TARS3: variants seen among roughly 807,000 people sequenced by gnomAD.
The protein encoded by TARS3 is threonyl-tRNA synthetase 3, also known as threonine--tRNA ligase 2, cytoplasmic.
TARS3 carries 94 observed loss-of-function variants against 103.5 expected under a neutral mutation model. That is an observed-to-expected ratio of 0.91 (90% CI 0.77 to 1.08). The LOEUF (loss-of-function observed/expected upper bound fraction) is 1.08. TARS3 is among the 50% of genes least tolerant of loss of function. TARS3 has a pLI of 0.00. For synonymous variants in TARS3, 416 were observed against 355.4 expected (o/e 1.17, Z -1.92); for missense variants, 952 against 995.2 (o/e 0.96, Z 0.58).
At chr15:101,678,659 GAAC>G (rs1465655628) in intron 12 of TARS3, among the ~76,000 whole-genome samples, 1 of 152,018 alleles carries the variant, frequency 6.6e-6, no homozygotes, top group Non-Finnish European at 1.5e-5. Flanking sequence ...CATACATTTA[GAAC>G]ATCAGAAAGA....
At chr15:101,687,123 T>C (rs955011092) in intron 10 of TARS3, among the ~76,000 whole-genome samples, 2 of 151,940 alleles carry the variant, frequency 1.3e-5, no homozygotes, top group African/African-American at 4.8e-5. Flanking sequence ...CCTTAACAGG[T>C]AGGGTGTGGT....
intron 3 of TARS3, among the ~76,000 whole-genome samples, chr15:101,718,806 A>C (rs1900300058): frequency 6.6e-6 from 1 of 152,240 alleles, no homozygotes; most frequent in Non-Finnish European, 1.5e-5. Flanking sequence ...GGAACGGATT[A>C]GCTGCAAACA....
chr15:101,654,740 A>C lies in TARS3; in HGVS notation c.2261-10T>G. 6.2e-7 allele frequency: 1 copy of C among 1,610,926 alleles called. No homozygotes were observed. Among genetic ancestry groups the C allele is most frequent in the Non-Finnish European group, 8.5e-7 (1 of 1,178,954 alleles). ...TCCTTTTCTCCAACCACTGCAGAAA[A>C]GAAAGGTAAAGAAATGTATTTTAAA... On this transcript the variant is annotated splice_polypyrimidine_tract_variant and intron_variant, in intron 18 of 18. Transcript: ENST00000335968.
intron 16 of TARS3, among the ~76,000 whole-genome samples, chr15:101,661,088 A>C (rs1345157693): frequency 6.6e-6 from 1 of 152,194 alleles, no homozygotes; most frequent in Non-Finnish European, 1.5e-5. Context: ...CCTTCCGGGC[A>C]AAAAGGACCA....
intron 12 of TARS3, among the ~76,000 whole-genome samples, chr15:101,680,609 C>A (rs190600072): frequency 6.6e-6 from 1 of 152,332 alleles, no homozygotes; most frequent in East Asian, 1.9e-4. Flanking sequence ...CCTGCTTCAT[C>A]TTCCCCAAAG....
rs568893182 is a variant in TARS3, at chr15:101,715,435, C to G, written c.567-472G>C. Among the ~76,000 whole-genome samples, 5 of 152,170 alleles carry G rather than the reference C, an allele frequency of 3.3e-5. No individual in the cohort carries two copies. In the South Asian group the frequency reaches 1.0e-3, roughly 32 times the overall value. ...TGCTGGGATTACAGGCGTGAGCCACCGCGCCCAGCCACATTCACTGTTTAA... is the reference window on the plus strand; with the variant it reads ...TGCTGGGATTACAGGCGTGAGCCACGGCGCCCAGCCACATTCACTGTTTAA... On this transcript the variant is annotated intron_variant, in intron 3 of 18. Transcript: ENST00000335968.
At chr15:101,711,763 C>A in intron 5 of TARS3, 117 bp downstream of exon 5, 1 of 1,253,124 alleles carries the variant, frequency 8.0e-7, no homozygotes, top group Non-Finnish European at 1.1e-6. Flanking sequence ...GCGTCGGTGC[C>A]CCTAACCCCA....
intron 3 of TARS3, among the ~76,000 whole-genome samples, chr15:101,720,366 G>C (rs769019072): frequency 2.6e-5 from 4 of 152,154 alleles, no homozygotes; most frequent in Admixed American, 6.5e-5. Context: ...GTTCACTAAT[G>C]TATCTAATTT....
chr15:101,714,294 A>G lies in TARS3; in HGVS notation c.690+546T>C, dbSNP rs939857374. On this transcript the variant is annotated intron_variant, in intron 4 of 18. Coordinates refer to ENST00000335968, the MANE Select transcript of TARS3 (RefSeq NM_152334.3). ...TTAATAACCAAAGCATTCTAACTTAAGGAAATGATTATTGTAAGAAATGAT... is the reference window on the plus strand; with the variant it reads ...TTAATAACCAAAGCATTCTAACTTAGGGAAATGATTATTGTAAGAAATGAT... Among the ~76,000 whole-genome samples, 6 of 152,148 alleles carry G rather than the reference A, an allele frequency of 3.9e-5. No individual in the cohort carries two copies. In the South Asian group the frequency reaches 1.2e-3, roughly 32 times the overall value.
chr15:101,670,965 C>T (rs191141396), intron 15 of TARS3, among the ~76,000 whole-genome samples: 149 of 152,218 alleles, frequency 9.8e-4, no homozygotes, highest in Non-Finnish European at 1.9e-3. Context: ...AGCTCATTAA[C>T]GGCAGCCAGG....
chr15:101,669,863 A>AT (rs1450500855), intron 15 of TARS3, among the ~76,000 whole-genome samples: 2 of 152,248 alleles, frequency 1.3e-5, no homozygotes, highest in Admixed American at 6.5e-5. Flanking sequence ...TTTATAATCT[A>AT]GAAACAGACC....
intron 1 of TARS3, 75 bp downstream of exon 1, chr15:101,724,016 T>G: frequency 2.3e-6 from 3 of 1,277,894 alleles, no homozygotes; most frequent in Non-Finnish European, 2.0e-6. Flanking sequence ...GCCCCCGCAG[T>G]TGAAAACCTT....
At chr15:101,667,219 G>A (rs932910757) in intron 15 of TARS3, among the ~76,000 whole-genome samples, 1 of 152,008 alleles carries the variant, frequency 6.6e-6, no homozygotes, top group Non-Finnish European at 1.5e-5. Context: ...AGGCTTTGTT[G>A]TTGCATTTCT....
chr15:101,710,148 ACAAGATT>A (rs1899788838), intron 5 of TARS3, among the ~76,000 whole-genome samples: 1 of 152,174 alleles, frequency 6.6e-6, no homozygotes, highest in African/African-American at 2.4e-5. Context: ...TCCCTAAACA[ACAAGATT>A]CACAGAGCTT....
At chr15:101,705,656 C>T (rs759459257) in intron 7 of TARS3, 27 bp downstream of exon 7, 33 of 1,597,736 alleles carry the variant, frequency 2.1e-5, no homozygotes, top group Non-Finnish European at 2.8e-5. Context: ...TACCACTGAG[C>T]AGCGTTTACC....
chr15:101,702,160 G>T, intron 9 of TARS3, 79 bp downstream of exon 9: 2 of 1,536,740 alleles, frequency 1.3e-6, no homozygotes, highest in Non-Finnish European at 8.9e-7. Flanking sequence ...TATTTTTAAA[G>T]CAACTTAGTT....
chr15:101,666,454 C>A (rs1255672425), intron 15 of TARS3, among the ~76,000 whole-genome samples: 1 of 109,726 alleles, frequency 9.1e-6, no homozygotes. Context: ...CCAGCCTGGG[C>A]AACAGAGCAA....
At chr15:101,675,854 T>C in intron 12 of TARS3, 117 bp from the exon 13 acceptor site, 2 of 1,177,318 alleles carry the variant, frequency 1.7e-6, no homozygotes, top group Non-Finnish European at 2.3e-6. Context: ...GTACAGTTGA[T>C]GATCCTGTTT....
At chr15:101,683,603 T>C (rs545987663) in intron 12 of TARS3, among the ~76,000 whole-genome samples, 1 of 152,288 alleles carries the variant, frequency 6.6e-6, no homozygotes, top group East Asian at 1.9e-4. Flanking sequence ...CATTGGCATA[T>C]TACCCACCCC....
Sources: gnomAD v4.1 joint callset for allele counts (sites outside exome capture counted in the v4.1 genomes callset) on GRCh38, gnomAD v4.1.1 for gene constraint, MANE v1.5 for transcripts, NCBI Gene and HGNC (gene_info 2026-07-23, HGNC 2026-07-21) for gene names.